VPS13B: variants seen among roughly 807,000 people sequenced by gnomAD.
VPS13B encodes intermembrane lipid transfer protein VPS13B.
VPS13B carries 285 observed loss-of-function variants against 426.4 expected under a neutral mutation model. That is an observed-to-expected ratio of 0.67 (90% CI 0.61 to 0.74). VPS13B has a LOEUF of 0.74. VPS13B is among the 30% of genes least tolerant of loss of function. VPS13B has a pLI of 0.00. For missense variants in VPS13B, 4,537 were observed against 4,782.6 expected, an observed-to-expected ratio of 0.95 and a Z score of 1.51; for synonymous variants, 1,676 against 1,676.4, an observed-to-expected ratio of 1.00 and a Z score of 0.01.
At chr8:99,314,543 A>G (rs918236459) in intron 19 of VPS13B, among the ~76,000 whole-genome samples, 1 of 152,048 alleles carries the variant, frequency 6.6e-6, no homozygotes, top group African/African-American at 2.4e-5. Context: ...CTATTATTAT[A>G]TTGGAGTGAT....
chr8:99,098,516 C>G (rs545416484), intron 4 of VPS13B, among the ~76,000 whole-genome samples: 1 of 152,036 alleles, frequency 6.6e-6, no homozygotes, highest in Admixed American at 6.6e-5. Context: ...TTTAACCAGT[C>G]CTTTTTTTGG....
chr8:99,195,773 G>T (rs1314769276), intron 17 of VPS13B, among the ~76,000 whole-genome samples: 1 of 152,142 alleles, frequency 6.6e-6, no homozygotes, highest in Non-Finnish European at 1.5e-5. Flanking sequence ...TCATTGTTCT[G>T]CATGTAGATA....
At chr8:99,697,872 T>C in intron 35 of VPS13B, 1 of 532,562 alleles carries the variant, frequency 1.9e-6, no homozygotes, top group Non-Finnish European at 3.6e-6. Context: ...AAGGTCAACA[T>C]CAATGACCTC....
intron 3 of VPS13B, among the ~76,000 whole-genome samples, chr8:99,054,921 G>A (rs79517467): frequency 0.083 from 12,616 of 152,004 alleles, 886 homozygotes; most frequent in African/African-American, 0.19. Context: ...TCTGGACTCA[G>A]CATTTTATTC....
At chr8:99,710,123 C>G in intron 36 of VPS13B, among the ~76,000 whole-genome samples, 1 of 152,070 alleles carries the variant, frequency 6.6e-6, no homozygotes, top group East Asian at 1.9e-4. Flanking sequence ...AGGGAAAAAA[C>G]TACAAGTACA....
chr8:99,096,223 A>G (rs913882183), intron 3 of VPS13B, 89 bp from the exon 4 acceptor site: 1 of 1,446,718 alleles, frequency 6.9e-7, no homozygotes, highest in Non-Finnish European at 9.5e-7. Context: ...TCCTGTAGCT[A>G]CCATAAACTG....
intron 33 of VPS13B, among the ~76,000 whole-genome samples, chr8:99,624,808 CTTTT>C (rs35211688): frequency 1.5e-5 from 2 of 136,912 alleles, no homozygotes. Context: ...CCTTATTTTG[CTTTT>C]TTTTTTTTTT....
chr8:99,590,669 G>C (rs907661066), intron 33 of VPS13B, among the ~76,000 whole-genome samples: 11 of 152,126 alleles, frequency 7.2e-5, no homozygotes, highest in Admixed American at 2.0e-4. Context: ...TTAATCCTGA[G>C]TTCTAATTTG....
Position 99,832,540 on chromosome 8 carries a change from G to C in VPS13B, c.9502G>C (p.Gly3168Arg), listed in dbSNP as rs768197080. 4 of 1,613,790 alleles carry C rather than the reference G, an allele frequency of 2.5e-6. No individual in the cohort carries two copies. The highest frequency in any genetic ancestry group is 3.4e-6 in the Non-Finnish European group (4 of 1,179,980). ...QIMLGFSPAP[G>R]ADSSQCWSLP... ...CATGCTGGGCTTTTCTCCTGCCCCA[G>C]GTGCTGACAGCTCACAGTGCTGGAG... The change falls in exon 52 of 62, where the codon GGT becomes CGT. Residue 3168 changes from glycine to arginine, a missense_variant. Gly to Arg is a moderately radical substitution (Grantham distance 125, BLOSUM62 -2). Transcript: ENST00000357162.
At chr8:99,703,856 C>T (rs540385683) in intron 36 of VPS13B, among the ~76,000 whole-genome samples, 1 of 152,162 alleles carries the variant, frequency 6.6e-6, no homozygotes, top group Admixed American at 6.5e-5. Context: ...CAAACGAGCA[C>T]ACAGTTGAGA....
At chr8:99,096,529 G>A (rs911719027) in intron 4 of VPS13B, 97 bp downstream of exon 4, 6 of 1,541,810 alleles carry the variant, frequency 3.9e-6, no homozygotes, top group Non-Finnish European at 5.3e-6. Flanking sequence ...GCTGAGGCGG[G>A]TGGATTACTT....
At chr8:99,813,861 T>C (rs1425865109) in intron 44 of VPS13B, among the ~76,000 whole-genome samples, 2 of 152,236 alleles carry the variant, frequency 1.3e-5, no homozygotes, top group Non-Finnish European at 2.9e-5. Context: ...CATCCCAGCG[T>C]AGTGGCTTAT....
intron 19 of VPS13B, among the ~76,000 whole-genome samples, chr8:99,318,698 T>G (rs1809810364): frequency 6.6e-6 from 1 of 152,082 alleles, no homozygotes; most frequent in Admixed American, 6.6e-5. Flanking sequence ...AATTTTTGTA[T>G]TTTTATTAGA....
intron 35 of VPS13B, among the ~76,000 whole-genome samples, chr8:99,672,378 A>C (rs78405842): frequency 0.047 from 7,210 of 152,184 alleles, 194 homozygotes; most frequent in African/African-American, 0.064. Context: ...TTTTTTAGCT[A>C]TTATGAAATG....
chr8:99,051,601 A>G (rs1462098478), intron 3 of VPS13B, among the ~76,000 whole-genome samples: 1 of 152,130 alleles, frequency 6.6e-6, no homozygotes, highest in Non-Finnish European at 1.5e-5. Context: ...ATGGCATTGA[A>G]TCTATAAATT....
rs369706839 is a variant in VPS13B at position 99,501,947 on chromosome 8, TTCTG to T, written c.4042+113_4042+116del. ...CCCTCCCTTCCTTCCTTCCTTTCTT[TTCTG>T]TCTGTCTGTCTGTCTGTCTGTCTTT... is the stretch of plus-strand genomic sequence containing the variant. On this transcript the variant is annotated intron_variant, in intron 26 of 61. Transcript: ENST00000357162. 1.5e-3 allele frequency: 1,867 copies of T among 1,280,884 alleles called. 7 individuals are homozygous for T. The highest frequency in any genetic ancestry group is 3.2e-3 in the South Asian group (246 of 77,316). The allele number at this position is 1,280,884 out of a possible 1,614,324, so 79.3% of individuals were successfully genotyped here. A position where few individuals can be genotyped will look rare whatever the true frequency, so the allele number is the denominator to read the frequency against.
intron 30 of VPS13B, among the ~76,000 whole-genome samples, chr8:99,542,104 T>C (rs557414064): frequency 7.6e-4 from 115 of 152,304 alleles, no homozygotes; most frequent in South Asian, 1.7e-3. Context: ...TTAGCCAGGA[T>C]GGTCTCCGTC....
At chr8:99,700,886 G>T (rs570531221) in intron 36 of VPS13B, among the ~76,000 whole-genome samples, 1 of 152,258 alleles carries the variant, frequency 6.6e-6, no homozygotes, top group African/African-American at 2.4e-5. Flanking sequence ...AGGGAACCAT[G>T]TATTTTCCCT....
chr8:99,267,778 A>G (rs546003456), intron 17 of VPS13B, among the ~76,000 whole-genome samples: 1 of 152,190 alleles, frequency 6.6e-6, no homozygotes, highest in South Asian at 2.1e-4. Flanking sequence ...GGAGAAAGTG[A>G]AGCTGGCCAC....
Sources: gnomAD v4.1 joint callset for allele counts (sites outside exome capture counted in the v4.1 genomes callset) on GRCh38, gnomAD v4.1.1 for gene constraint, MANE v1.5 for transcripts, NCBI Gene and HGNC (gene_info 2026-07-23, HGNC 2026-07-21) for gene names.